The following CMIP variants were observed in gnomAD, a reference collection of about 807,000 sequenced individuals.
CMIP encodes the protein c-Maf inducing protein.
Under a neutral mutation model 97.3 loss-of-function variants are expected in CMIP, and 13 were observed. The ratio of observed to expected loss-of-function variants is 0.13; its 90% CI spans 0.09 to 0.21. The LOEUF is 0.21. CMIP is among the 10% of genes least tolerant of loss of function. The probability of loss-of-function intolerance (pLI) is 1.00; values close to 1 mark genes in which losing one functional copy is unlikely to be tolerated. For missense variants in CMIP, 847 were observed against 1,024.9 expected, an observed-to-expected ratio of 0.83 and a Z score of 2.37; for synonymous variants, 538 against 436.3, an observed-to-expected ratio of 1.23 and a Z score of -2.91.
Position 81,605,857 on chromosome 16 carries a change from G to A in CMIP, c.301-1710G>A, listed in dbSNP as rs4889353. On this transcript the variant is annotated intron_variant, in intron 1 of 20. Coordinates refer to ENST00000537098, the MANE Select transcript of CMIP (RefSeq NM_198390.3). Reference sequence around the variant, plus strand: ...CTGAATCTCCAGCACCTAGCATGGCGCCTGCAGCATAACGGAAGTTCAGTA... The same window carrying A: ...CTGAATCTCCAGCACCTAGCATGGCACCTGCAGCATAACGGAAGTTCAGTA... Among the ~76,000 whole-genome samples, 422 of 152,326 alleles carry A rather than the reference G, an allele frequency of 2.8e-3. 8 individuals carry two copies. The highest frequency in any genetic ancestry group is 0.024 in the Admixed American group (365 of 15,308).
chr16:81,669,563 C>T (rs1355929450), intron 7 of CMIP, among the ~76,000 whole-genome samples: 1 of 146,148 alleles, frequency 6.8e-6, no homozygotes, highest in Non-Finnish European at 1.5e-5. Context: ...CTTCATACTT[C>T]CTTCCACACC....
intron 1 of CMIP, among the ~76,000 whole-genome samples, chr16:81,557,355 G>A (rs1427751294): frequency 7.0e-6 from 1 of 142,928 alleles, no homozygotes; most frequent in African/African-American, 2.9e-5. Flanking sequence ...TACTGATGTT[G>A]GTTGAATTCA....
chr16:81,604,476 G>C lies in CMIP; in HGVS notation c.301-3091G>C, dbSNP rs374205351. Among the ~76,000 whole-genome samples the C allele has an allele frequency of 2.7e-5, 4 of 150,052 alleles. No individual in the cohort carries two copies. The East Asian group carries it at 8.0e-4, about 30-fold the overall frequency. ...GCACTTTGGGAGACCGAAGCAGGTG[G>C]ATCACAAGGTCAGGAGTTCAAGACC... On this transcript the variant is annotated intron_variant, in intron 1 of 20. Coordinates refer to ENST00000537098, the MANE Select transcript of CMIP (RefSeq NM_198390.3).
At chr16:81,571,789 G>A (rs368431282) in intron 1 of CMIP, among the ~76,000 whole-genome samples, 5 of 152,086 alleles carry the variant, frequency 3.3e-5, no homozygotes, top group Admixed American at 1.3e-4. Context: ...TGCCTCGACC[G>A]TGCGCGGGAG....
At chr16:81,551,095 C>T (rs1411539475) in intron 1 of CMIP, among the ~76,000 whole-genome samples, 2 of 149,284 alleles carry the variant, frequency 1.3e-5, no homozygotes, top group African/African-American at 5.0e-5. Flanking sequence ...ACACGCACCC[C>T]AGTTCCATCA....
At chr16:81,596,005 G>A (rs996824629) in intron 1 of CMIP, among the ~76,000 whole-genome samples, 19 of 152,084 alleles carry the variant, frequency 1.2e-4, no homozygotes, top group Non-Finnish European at 2.4e-4. Context: ...GGTGTAAGCA[G>A]GTTTCACTTT....
At chr16:81,572,827 T>G (rs13331139) in intron 1 of CMIP, among the ~76,000 whole-genome samples, 6,150 of 152,234 alleles carry the variant, frequency 0.04, 374 homozygotes, top group African/African-American at 0.13. Flanking sequence ...GTGCCCACCC[T>G]GCTAGCCTGC....
intron 1 of CMIP, among the ~76,000 whole-genome samples, chr16:81,543,001 G>A (rs2090476727): frequency 6.6e-6 from 1 of 152,206 alleles, no homozygotes; most frequent in Non-Finnish European, 1.5e-5. Flanking sequence ...TTCTGCCCCA[G>A]GCCTAGCGAG....
chr16:81,599,600 G>T (rs541830180), intron 1 of CMIP, among the ~76,000 whole-genome samples: 49 of 152,304 alleles, frequency 3.2e-4, no homozygotes, highest in African/African-American at 9.6e-4. Context: ...CTTGAGGTGT[G>T]TGAGCACAAA....
chr16:81,509,026 GAGC>G (rs1292117750), intron 1 of CMIP, among the ~76,000 whole-genome samples: 1 of 152,190 alleles, frequency 6.6e-6, no homozygotes, highest in East Asian at 1.9e-4. Context: ...TTAGCCTTAA[GAGC>G]AGCAGCTTTT....
chr16:81,586,090 G>A (rs1218333069), intron 1 of CMIP, among the ~76,000 whole-genome samples: 1 of 147,500 alleles, frequency 6.8e-6, no homozygotes, highest in Non-Finnish European at 1.5e-5. Flanking sequence ...ATCTGTTTGT[G>A]CTCCTATCTT....
chr16:81,485,921 A>G (rs2089307087), intron 1 of CMIP, among the ~76,000 whole-genome samples: 1 of 152,166 alleles, frequency 6.6e-6, no homozygotes, highest in Non-Finnish European at 1.5e-5. Context: ...TCTCCCCTGG[A>G]TTCTGCCACT....
chr16:81,639,298 T>C (rs2092275359), intron 3 of CMIP, among the ~76,000 whole-genome samples: 1 of 152,264 alleles, frequency 6.6e-6, no homozygotes, highest in African/African-American at 2.4e-5. Context: ...AGGCATCATT[T>C]GAACCAGGTT....
At chr16:81,580,675 A>C (rs2091281464) in intron 1 of CMIP, among the ~76,000 whole-genome samples, 1 of 151,792 alleles carries the variant, frequency 6.6e-6, no homozygotes, top group South Asian at 2.1e-4. Flanking sequence ...ACCTCAAGTG[A>C]TCCACCCGTC....
chr16:81,564,693 T>A (rs1156251706), intron 1 of CMIP, among the ~76,000 whole-genome samples: 2 of 152,134 alleles, frequency 1.3e-5, no homozygotes, highest in African/African-American at 4.8e-5. Context: ...CAAGCCTGGG[T>A]GATTCTGATG....
At chr16:81,583,722 C>T (rs12929474) in intron 1 of CMIP, among the ~76,000 whole-genome samples, 1 of 152,116 alleles carries the variant, frequency 6.6e-6, no homozygotes, top group Non-Finnish European at 1.5e-5. Flanking sequence ...CTTCTAGATA[C>T]CCCTTTCCCA....
At chr16:81,656,249 T>A (rs2092480594) in intron 4 of CMIP, among the ~76,000 whole-genome samples, 2 of 152,164 alleles carry the variant, frequency 1.3e-5, no homozygotes, top group Admixed American at 1.3e-4. Context: ...AAAAGCAAAT[T>A]CATAGCTCGC....
intron 1 of CMIP, among the ~76,000 whole-genome samples, chr16:81,448,885 T>A (rs1320118855): frequency 1.3e-5 from 2 of 152,234 alleles, no homozygotes; most frequent in Non-Finnish European, 2.9e-5. Context: ...TCCCTCTTTG[T>A]ACCCAAACTT....
At chr16:81,559,730 G>T (rs141604365) in intron 1 of CMIP, among the ~76,000 whole-genome samples, 1 of 152,150 alleles carries the variant, frequency 6.6e-6, no homozygotes, top group Non-Finnish European at 1.5e-5. Flanking sequence ...AAACAACTAA[G>T]TTACTGGCTT....
Sources: gnomAD v4.1 joint callset for allele counts (sites outside exome capture counted in the v4.1 genomes callset) on GRCh38, gnomAD v4.1.1 for gene constraint, MANE v1.5 for transcripts, NCBI Gene and HGNC (gene_info 2026-07-23, HGNC 2026-07-21) for gene names.